The following DCC variants were observed in gnomAD, a reference collection of about 807,000 sequenced individuals.
DCC encodes the protein DCC netrin 1 receptor, also known as netrin receptor DCC.
In DCC, 58 loss-of-function variants were observed where a neutral mutation model predicts 172.5. The ratio of observed to expected loss-of-function variants is 0.34; its 90% confidence interval spans 0.27 to 0.42. The LOEUF (loss-of-function observed/expected upper bound fraction) is 0.42, where lower values mean the gene tolerates loss of function less well. DCC is among the 10% of genes least tolerant of loss of function. The pLI is 1.00. For missense variants in DCC, 1,740 were observed against 1,791.0 expected, an observed-to-expected ratio of 0.97 and a Z score of 0.51; for synonymous variants, 709 against 644.5, an observed-to-expected ratio of 1.10 and a Z score of -1.52.
chr18:52,654,874 A>G (rs977532206), intron 1 of DCC, among the ~76,000 whole-genome samples: 1 of 152,108 alleles, frequency 6.6e-6, no homozygotes, highest in African/African-American at 2.4e-5. Flanking sequence ...TGTTTCTTCA[A>G]AATTAAGGAC....
intron 22 of DCC, among the ~76,000 whole-genome samples, chr18:53,437,194 C>T (rs1345309428): frequency 2.6e-5 from 4 of 152,168 alleles, no homozygotes; most frequent in Admixed American, 2.6e-4. Context: ...ATTTAAATAA[C>T]ATGACTGTCC....
intron 2 of DCC, among the ~76,000 whole-genome samples, chr18:52,810,042 C>G (rs1197899310): frequency 1.3e-5 from 2 of 151,744 alleles, no homozygotes; most frequent in South Asian, 4.1e-4. Flanking sequence ...CTAGTCCTGT[C>G]TCTCAATTTC....
intron 1 of DCC, among the ~76,000 whole-genome samples, chr18:52,699,862 T>G (rs916020083): frequency 2.0e-4 from 30 of 152,228 alleles, no homozygotes; most frequent in African/African-American, 6.3e-4. Context: ...AAAATATAAT[T>G]CACTTACTGT....
intron 13 of DCC, among the ~76,000 whole-genome samples, chr18:53,313,203 A>G (rs899305171): frequency 5.3e-5 from 8 of 152,092 alleles, no homozygotes; most frequent in Admixed American, 5.2e-4. Flanking sequence ...ACTCTGGAAG[A>G]TAACTCTTTT....
At chr18:53,419,355 T>C (rs1473544187) in intron 21 of DCC, among the ~76,000 whole-genome samples, 1 of 152,182 alleles carries the variant, frequency 6.6e-6, no homozygotes, top group Non-Finnish European at 1.5e-5. Flanking sequence ...AGTTACCCTG[T>C]TGTGCTATCA....
chr18:53,163,454 A>G (rs73960208), intron 8 of DCC, among the ~76,000 whole-genome samples: 6,074 of 152,244 alleles, frequency 0.04, 379 homozygotes, highest in African/African-American at 0.13. Context: ...GTTAGCTGTG[A>G]TGTTTGTTTG....
At chr18:53,202,662 G>A (rs1373372544) in intron 9 of DCC, among the ~76,000 whole-genome samples, 1 of 152,146 alleles carries the variant, frequency 6.6e-6, no homozygotes, top group Admixed American at 6.6e-5. Flanking sequence ...TGGTAGAGTA[G>A]AGGGCTGGGA....
chr18:52,824,966 T>TTA (rs1453135644), intron 2 of DCC, among the ~76,000 whole-genome samples: 1 of 136,930 alleles, frequency 7.3e-6, no homozygotes, highest in African/African-American at 2.7e-5. Flanking sequence ...CGAGACTCCC[T>TTA]CATATATATA....
intron 5 of DCC, among the ~76,000 whole-genome samples, chr18:53,049,362 T>C (rs983561722): frequency 1.1e-4 from 17 of 152,102 alleles, no homozygotes; most frequent in Non-Finnish European, 2.1e-4. Context: ...GATTTTTGTA[T>C]ATAGCTTCAG....
chr18:52,848,372 C>G (rs1282640001), intron 2 of DCC, among the ~76,000 whole-genome samples: 2 of 152,118 alleles, frequency 1.3e-5, no homozygotes, highest in African/African-American at 4.8e-5. Context: ...CAGGCGTGTG[C>G]TACCATGCCC....
intron 1 of DCC, among the ~76,000 whole-genome samples, chr18:52,655,443 T>G (rs2035226993): frequency 6.6e-6 from 1 of 152,200 alleles, no homozygotes; most frequent in Admixed American, 6.5e-5. Flanking sequence ...GCCTGGCACT[T>G]GTGACCTTGG....
At chr18:52,705,035 A>C (rs1381987311) in intron 1 of DCC, among the ~76,000 whole-genome samples, 2 of 152,162 alleles carry the variant, frequency 1.3e-5, no homozygotes, top group Non-Finnish European at 2.9e-5. Flanking sequence ...TTGTGTCTAC[A>C]GCTGCGTCTC....
chr18:53,515,986 C>T (rs1340077247), intron 27 of DCC, among the ~76,000 whole-genome samples: 3 of 149,582 alleles, frequency 2.0e-5, no homozygotes, highest in African/African-American at 7.5e-5. Flanking sequence ...GAGCCCGCAT[C>T]ACCGAGTCAA....
chr18:53,476,712 A>C (rs1490900595), intron 25 of DCC, among the ~76,000 whole-genome samples: 1 of 152,168 alleles, frequency 6.6e-6, no homozygotes, highest in Non-Finnish European at 1.5e-5. Context: ...ATTACTTTTG[A>C]TGGAAGTCGA....
Position 52,849,329 on chromosome 18 carries a change from T to A in DCC, c.413-56715T>A, listed in dbSNP as rs371000198. Among the ~76,000 whole-genome samples, 15 of 152,278 alleles carry A rather than the reference T, an allele frequency of 9.9e-5. No individual in the cohort carries two copies. The East Asian group carries it at 1.5e-3, about 16-fold the overall frequency. On this transcript the variant is annotated intron_variant, in intron 2 of 28. Coordinates refer to ENST00000442544, the MANE Select transcript of DCC (RefSeq NM_005215.4). ...GTTTCCCCTTGAAAATCAGCAGGAA[T>A]GCCTTTCCTGCTTAAAACAAAGACT...
In DCC at chr18:53,416,174, G is replaced by A. The variant is rs76454812; in HGVS notation, c.3163+18G>A. The A allele has an allele frequency of 2.3e-3, 3,695 of 1,582,072 alleles. 64 individuals carry two copies. The African/African-American group carries it at 0.042, about 18-fold the overall frequency. On this transcript the variant is annotated intron_variant, in intron 21 of 28. Coordinates refer to ENST00000442544, the MANE Select transcript of DCC (RefSeq NM_005215.4). The stretch of plus-strand genomic sequence containing the variant: ...TGACCAAGGTATGGTGGCTCAATCT[G>A]TCATTTTGTGTTCCTTGAATCAATC...
At chr18:53,095,562 G>A (rs1323178413) in intron 7 of DCC, among the ~76,000 whole-genome samples, 1 of 152,150 alleles carries the variant, frequency 6.6e-6, no homozygotes, top group East Asian at 1.9e-4. Context: ...AAGCATCAAT[G>A]AATTTCTTGG....
At chr18:52,428,009 T>C (rs972533308) in intron 1 of DCC, among the ~76,000 whole-genome samples, 3 of 152,018 alleles carry the variant, frequency 2.0e-5, no homozygotes, top group African/African-American at 7.2e-5. Context: ...TAGGACCAAA[T>C]TGTCTTGGCT....
At chr18:52,937,319 A>C (rs1197128349) in intron 5 of DCC, among the ~76,000 whole-genome samples, 1 of 152,146 alleles carries the variant, frequency 6.6e-6, no homozygotes, top group African/African-American at 2.4e-5. Context: ...GTTGGTGCAA[A>C]AGTAATTGTG....
Sources: gnomAD v4.1 joint callset for allele counts (sites outside exome capture counted in the v4.1 genomes callset) on GRCh38, gnomAD v4.1.1 for gene constraint, MANE v1.5 for transcripts, NCBI Gene and HGNC (gene_info 2026-07-23, HGNC 2026-07-21) for gene names.